The following CSNK2A2IP variants were observed in gnomAD, a reference collection of about 807,000 sequenced individuals.
CSNK2A2IP encodes casein kinase 2 subunit alpha' interacting protein.
chr3:88,426,110 T>TA, the CSNK2A2IP span, among the ~76,000 whole-genome samples: 2 of 152,304 alleles, frequency 1.3e-5, no homozygotes, highest in Middle Eastern at 3.4e-3. Context: ...CCACAAAAAT[T>TA]AAAAAACCCA....
the CSNK2A2IP span, among the ~76,000 whole-genome samples, chr3:88,410,502 C>G: frequency 6.6e-6 from 1 of 152,010 alleles, no homozygotes; most frequent in African/African-American, 2.4e-5. Flanking sequence ...TTTAAAGCAG[C>G]TTATCTTTTG....
chr3:88,355,045 G>A, the CSNK2A2IP span, among the ~76,000 whole-genome samples: 7 of 152,076 alleles, frequency 4.6e-5, no homozygotes, highest in Admixed American at 4.6e-4. Context: ...TGTGAGCAGG[G>A]CATGATCAAC....
At chr3:88,391,692 G>T in the CSNK2A2IP span, among the ~76,000 whole-genome samples, 1 of 152,156 alleles carries the variant, frequency 6.6e-6, no homozygotes, top group African/African-American at 2.4e-5. Context: ...ATAATAATTT[G>T]TTTGAGAAAC....
chr3:88,412,276 A>G, the CSNK2A2IP span, among the ~76,000 whole-genome samples: 9 of 152,050 alleles, frequency 5.9e-5, 1 homozygote, highest in African/African-American at 2.2e-4. Context: ...ATTAAAAAGC[A>G]GCAGTTCACA....
chr3:88,385,350 A>G, the CSNK2A2IP span, among the ~76,000 whole-genome samples: 1 of 152,158 alleles, frequency 6.6e-6, no homozygotes, highest in African/African-American at 2.4e-5. Flanking sequence ...AGAATAAAAC[A>G]AAGAGATTCA....
chr3:88,425,246 G>C, the CSNK2A2IP span, among the ~76,000 whole-genome samples: 2 of 151,992 alleles, frequency 1.3e-5, no homozygotes, highest in South Asian at 4.1e-4. Flanking sequence ...AAAATATTTT[G>C]TAAATGTTGC....
chr3:88,355,784 T>A, the CSNK2A2IP span, among the ~76,000 whole-genome samples: 2 of 152,126 alleles, frequency 1.3e-5, no homozygotes, highest in Non-Finnish European at 2.9e-5. Flanking sequence ...CGACTTGTTT[T>A]AGGCCCTAGA....
chr3:88,410,466 C>T, the CSNK2A2IP span, among the ~76,000 whole-genome samples: 7 of 152,100 alleles, frequency 4.6e-5, no homozygotes, highest in South Asian at 2.1e-4. Flanking sequence ...TCATCCACTC[C>T]GGAAGCTCTC....
At chr3:88,435,619 A>T in the CSNK2A2IP span, among the ~76,000 whole-genome samples, 1 of 152,112 alleles carries the variant, frequency 6.6e-6, no homozygotes, top group African/African-American at 2.4e-5. Flanking sequence ...AAGCTATATG[A>T]AATATTTCCT....
the CSNK2A2IP span, among the ~76,000 whole-genome samples, chr3:88,359,897 G>C: frequency 6.6e-6 from 1 of 152,076 alleles, no homozygotes; most frequent in Non-Finnish European, 1.5e-5. Context: ...CTATAGTGCA[G>C]GTTAAGTCTG....
the CSNK2A2IP span, among the ~76,000 whole-genome samples, chr3:88,425,903 G>A: frequency 6.6e-6 from 1 of 152,062 alleles, no homozygotes; most frequent in Non-Finnish European, 1.5e-5. Context: ...TAATAGTCTT[G>A]ATTTTACCCA....
the CSNK2A2IP span, among the ~76,000 whole-genome samples, chr3:88,398,293 T>A: frequency 6.6e-6 from 1 of 152,116 alleles, no homozygotes; most frequent in Non-Finnish European, 1.5e-5. Flanking sequence ...TCAAGACTCA[T>A]TATATGACTT....
At chr3:88,402,991 G>C in the CSNK2A2IP span, among the ~76,000 whole-genome samples, 1 of 152,034 alleles carries the variant, frequency 6.6e-6, no homozygotes, top group Non-Finnish European at 1.5e-5. Flanking sequence ...TAAAATTAAA[G>C]GGCCATCTTT....
the CSNK2A2IP span, among the ~76,000 whole-genome samples, chr3:88,382,273 A>ACAT: frequency 1.3e-5 from 2 of 152,190 alleles, no homozygotes; most frequent in African/African-American, 4.8e-5. Flanking sequence ...TATAGTCAGG[A>ACAT]CATCAGTATT....
the CSNK2A2IP span, among the ~76,000 whole-genome samples, chr3:88,358,654 A>C: frequency 2.6e-4 from 39 of 152,206 alleles, no homozygotes; most frequent in East Asian, 5.6e-3. Context: ...TGATTTGTGC[A>C]TGTTGAACCA....
chr3:88,462,644 C>G, the CSNK2A2IP span, among the ~76,000 whole-genome samples: 5 of 152,080 alleles, frequency 3.3e-5, no homozygotes, highest in African/African-American at 1.2e-4. Context: ...ATCAACAGGT[C>G]TTGGTGTCTA....
the CSNK2A2IP span, among the ~76,000 whole-genome samples, chr3:88,436,141 A>G: frequency 6.6e-6 from 1 of 152,088 alleles, no homozygotes; most frequent in Non-Finnish European, 1.5e-5. Context: ...CTTTATTCAA[A>G]TTAACAAGGT....
the CSNK2A2IP span, among the ~76,000 whole-genome samples, chr3:88,370,223 G>T: frequency 6.6e-6 from 1 of 151,860 alleles, no homozygotes; most frequent in Non-Finnish European, 1.5e-5. Flanking sequence ...ATTGCAATGG[G>T]ATACAGGTGC....
chr3:88,346,088 C>T, the CSNK2A2IP span, among the ~76,000 whole-genome samples: 1 of 152,110 alleles, frequency 6.6e-6, no homozygotes, highest in African/African-American at 2.4e-5. Flanking sequence ...CCAGTCACAA[C>T]ATTCCCTCAA....
Sources: allele counts gnomAD v4.1 joint callset (sites outside exome capture counted in the v4.1 genomes callset), GRCh38; gene constraint gnomAD v4.1.1; transcripts MANE v1.5; gene names NCBI Gene and HGNC (gene_info 2026-07-23, HGNC 2026-07-21).